The following PCDH15 variants were observed in gnomAD, a reference collection of about 807,000 sequenced individuals.
PCDH15 encodes protocadherin-15.
A neutral mutation model predicts 178.5 loss-of-function variants in PCDH15; 129 were observed. The ratio of observed to expected loss-of-function variants is 0.72; its 90% CI spans 0.63 to 0.84. PCDH15 has a LOEUF of 0.84. PCDH15 is among the 40% of genes least tolerant of loss of function. PCDH15 has a pLI of 0.00. For missense variants in PCDH15, 2,230 were observed against 2,099.9 expected (o/e 1.06, Z -1.21); for synonymous variants, 800 against 732.0 (o/e 1.09, Z -1.50).
At chr10:55,088,779 C>T (rs1426443618) in intron 2 of PCDH15, among the ~76,000 whole-genome samples, 1 of 150,996 alleles carries the variant, frequency 6.6e-6, no homozygotes, top group African/African-American at 2.4e-5. Context: ...TAAAGAATAC[C>T]TTCATAAATA....
chr10:55,210,504 C>G (rs1840530881), intron 1 of PCDH15, among the ~76,000 whole-genome samples: 1 of 149,004 alleles, frequency 6.7e-6, no homozygotes, highest in East Asian at 2.0e-4. Context: ...ACGACCAACA[C>G]ATGATATCAG....
intron 1 of PCDH15, among the ~76,000 whole-genome samples, chr10:54,719,119 G>T (rs568522576): frequency 1.4e-5 from 2 of 143,740 alleles, no homozygotes; most frequent in African/African-American, 2.5e-5. Flanking sequence ...AAAACACAAA[G>T]AAATCAGAAG....
At chr10:54,114,687 A>G (rs1209142212) in intron 15 of PCDH15, among the ~76,000 whole-genome samples, 1 of 152,234 alleles carries the variant, frequency 6.6e-6, no homozygotes. Flanking sequence ...GTGGGTAGGT[A>G]AGACCACTTC....
intron 2 of PCDH15, among the ~76,000 whole-genome samples, chr10:55,454,395 T>A (rs904715525): frequency 6.6e-6 from 1 of 152,162 alleles, no homozygotes; most frequent in African/African-American, 2.4e-5. Context: ...GTATTGAAAC[T>A]GAGAAAAACA....
rs60042655 is a variant in PCDH15 at position 54,601,394 on chromosome 10, C to A, written c.91+62778G>T. ...AGTATATGAACAGACACTTTTCAAA[C>A]ACAAAAACAAAAAAATACTTGCAGC... On this transcript the variant is annotated intron_variant, in intron 2 of 37. Transcript: ENST00000644397. Among the ~76,000 whole-genome samples the A allele has an allele frequency of 4.1e-3, 617 of 151,400 alleles. 5 individuals carry two copies. The highest frequency in any genetic ancestry group is 0.014 in the African/African-American group (594 of 41,220).
chr10:53,841,235 T>G (rs2077621850), intron 28 of PCDH15, among the ~76,000 whole-genome samples: 1 of 152,176 alleles, frequency 6.6e-6, no homozygotes, highest in African/African-American at 2.4e-5. Flanking sequence ...AAAAACTTTA[T>G]ATTATTAACC....
chr10:53,863,804 G>A (rs1231368463), intron 27 of PCDH15, among the ~76,000 whole-genome samples: 3 of 152,180 alleles, frequency 2.0e-5, no homozygotes, highest in African/African-American at 7.2e-5. Context: ...TGAATCTACT[G>A]CATAAGTAGA....
intron 15 of PCDH15, among the ~76,000 whole-genome samples, chr10:54,116,237 C>CAAAAAAAA (rs58948747): frequency 1.6e-5 from 2 of 124,748 alleles, no homozygotes; most frequent in Non-Finnish European, 1.7e-5. Context: ...ACTGAAAATG[C>CAAAAAAAA]AAAAAAAAAA....
At chr10:55,214,832 T>C (rs532821144) in intron 1 of PCDH15, among the ~76,000 whole-genome samples, 4 of 152,078 alleles carry the variant, frequency 2.6e-5, no homozygotes, top group Admixed American at 2.0e-4. Context: ...TATCATATTG[T>C]TTGCACATTT....
chr10:55,464,569 A>C (rs1282921698), intron 2 of PCDH15, among the ~76,000 whole-genome samples: 1 of 151,422 alleles, frequency 6.6e-6, no homozygotes, highest in Admixed American at 6.6e-5. Context: ...AACTGAATAA[A>C]GATGTATTCT....
chr10:55,193,948 A>T (rs546048404), intron 1 of PCDH15, among the ~76,000 whole-genome samples: 48 of 152,116 alleles, frequency 3.2e-4, no homozygotes, highest in African/African-American at 1.1e-3. Flanking sequence ...CTAAAACATA[A>T]TTTACTGAAT....
At chr10:55,214,308 TTTA>T (rs1277578005) in intron 1 of PCDH15, among the ~76,000 whole-genome samples, 4 of 139,600 alleles carry the variant, frequency 2.9e-5, no homozygotes, top group Admixed American at 2.2e-4. Context: ...TTATCATTTT[TTTA>T]TTATTATTTT....
intron 15 of PCDH15, among the ~76,000 whole-genome samples, chr10:54,125,940 TTTTACA>T (rs1369204548): frequency 6.6e-6 from 1 of 152,186 alleles, no homozygotes; most frequent in Non-Finnish European, 1.5e-5. Context: ...CATTCTCCTC[TTTTACA>T]TTTCATTTTT....
intron 1 of PCDH15, among the ~76,000 whole-genome samples, chr10:54,698,867 T>G (rs903766434): frequency 6.6e-6 from 1 of 152,270 alleles, no homozygotes; most frequent in South Asian, 2.1e-4. Flanking sequence ...GCCAGTGTCA[T>G]TTGTGTAAAA....
intron 1 of PCDH15, among the ~76,000 whole-genome samples, chr10:55,193,359 C>T (rs1271468811): frequency 6.6e-6 from 1 of 151,890 alleles, no homozygotes; most frequent in African/African-American, 2.4e-5. Context: ...GTATCATAAA[C>T]ACTGTTTGTT....
intron 2 of PCDH15, among the ~76,000 whole-genome samples, chr10:55,002,787 A>C (rs1412855219): frequency 6.6e-6 from 1 of 152,230 alleles, no homozygotes; most frequent in African/African-American, 2.4e-5. Flanking sequence ...CAGGGATAAA[A>C]GTAGTTCAGA....
chr10:54,317,604 G>A (rs1032966158), intron 7 of PCDH15, among the ~76,000 whole-genome samples, 163 bp from the exon 8 acceptor site: 7 of 151,926 alleles, frequency 4.6e-5, no homozygotes, highest in Non-Finnish European at 1.0e-4. Flanking sequence ...GTGAAACCCC[G>A]TCTCCACTAA....
intron 1 of PCDH15, among the ~76,000 whole-genome samples, chr10:54,719,466 T>C (rs1486772748): frequency 1.3e-5 from 2 of 151,954 alleles, no homozygotes; most frequent in Non-Finnish European, 2.9e-5. Context: ...AAAACTCCCA[T>C]GGGATTGTCT....
chr10:54,759,465 C>CA (rs1385837628), intron 1 of PCDH15, among the ~76,000 whole-genome samples: 1 of 152,094 alleles, frequency 6.6e-6, no homozygotes, highest in African/African-American at 2.4e-5. Flanking sequence ...ATTTCCATTT[C>CA]AATACTTCCT....
Sources: gnomAD v4.1 joint callset for allele counts (sites outside exome capture counted in the v4.1 genomes callset) on GRCh38, gnomAD v4.1.1 for gene constraint, MANE v1.5 for transcripts, NCBI Gene and HGNC (gene_info 2026-07-23, HGNC 2026-07-21) for gene names.